CREBBP: variants seen among roughly 807,000 people sequenced by gnomAD.
The protein encoded by CREBBP is CREB-binding protein.
CREBBP carries 19 observed loss-of-function variants against 265.0 expected under a neutral mutation model. That is an observed-to-expected ratio of 0.07 (90% CI 0.05 to 0.11). The LOEUF is 0.11. Among genes scored for constraint, CREBBP ranks in the 10% least tolerant of loss-of-function variants. The probability of loss-of-function intolerance (pLI) is 1.00; values close to 1 mark genes in which losing one functional copy is unlikely to be tolerated. For missense variants in CREBBP, 2,525 were observed against 3,219.0 expected (o/e 0.78, Z 5.22); for synonymous variants, 1,457 against 1,223.7 (o/e 1.19, Z -3.98).
chr16:3,868,946 C>T (rs2055236377), intron 1 of CREBBP, among the ~76,000 whole-genome samples: 1 of 152,204 alleles, frequency 6.6e-6, no homozygotes, highest in African/African-American at 2.4e-5. Context: ...CCAACCCCCG[C>T]AGGGCAGAAC....
chr16:3,757,472 C>T (rs961871969), intron 18 of CREBBP, 96 bp from the exon 19 acceptor site: 2 of 1,101,126 alleles, frequency 1.8e-6, no homozygotes, highest in African/African-American at 3.1e-5. Context: ...TAAATTATTT[C>T]TGTTAGTATA....
intron 1 of CREBBP, among the ~76,000 whole-genome samples, chr16:3,879,148 C>T (rs1350940360): frequency 6.6e-6 from 1 of 152,098 alleles, no homozygotes; most frequent in East Asian, 1.9e-4. Context: ...AAATGAAACA[C>T]ACCACAGCAA....
intron 2 of CREBBP, 76 bp downstream of exon 2, chr16:3,850,221 G>C (rs1245631296): frequency 6.8e-7 from 1 of 1,473,660 alleles, no homozygotes; most frequent in Admixed American, 1.7e-5. Flanking sequence ...GGGCCACGTG[G>C]TCCCATTTTA....
At chr16:3,749,105 C>A (rs2052416221) in intron 21 of CREBBP, among the ~76,000 whole-genome samples, 2 of 152,220 alleles carry the variant, frequency 1.3e-5, no homozygotes, top group South Asian at 4.1e-4. Flanking sequence ...CGAGATCGTG[C>A]CACTGCACTC....
At chr16:3,876,439 C>CA (rs1267105499) in intron 1 of CREBBP, among the ~76,000 whole-genome samples, 1 of 39,668 alleles carries the variant, frequency 2.5e-5, no homozygotes, top group Non-Finnish European at 6.0e-5. Flanking sequence ...ACCCAGAAAA[C>CA]AAAAAACAAA....
At chr16:3,846,077 T>C (rs1367509393) in intron 2 of CREBBP, among the ~76,000 whole-genome samples, 3 of 152,200 alleles carry the variant, frequency 2.0e-5, no homozygotes, top group Admixed American at 1.3e-4. Flanking sequence ...TGTAAACCTA[T>C]GTGACCATAT....
rs527869503 is a variant in CREBBP, at chr16:3,759,288, G to A, written c.3251-316C>T. ...ATCTGTCTCATTCATCAAACTGGGT[G>A]GCAAATAAAGCCATTTCAGGCTGGG... On this transcript the variant is annotated intron_variant, in intron 16 of 30. Coordinates refer to ENST00000262367, the MANE Select transcript of CREBBP (RefSeq NM_004380.3). 2.6e-5 allele frequency among the ~76,000 whole-genome samples: 4 copies of A among 152,204 alleles called. No individual in the cohort carries two copies. The East Asian group carries it at 5.8e-4, about 22-fold the overall frequency.
chr16:3,741,953 G>C (rs916393725), intron 23 of CREBBP: 1 of 152,060 alleles, frequency 6.6e-6, no homozygotes, highest in Non-Finnish European at 1.5e-5. Context: ...GGTGGCGGGC[G>C]CCTGTAGTCC....
chr16:3,840,020 G>A (rs1179501684), intron 2 of CREBBP, among the ~76,000 whole-genome samples: 1 of 152,082 alleles, frequency 6.6e-6, no homozygotes, highest in Non-Finnish European at 1.5e-5. Flanking sequence ...TACTTAACAT[G>A]TCTACTAAAC....
At chr16:3,756,986 C>T (rs1033448150) in intron 19 of CREBBP, among the ~76,000 whole-genome samples, 2 of 152,166 alleles carry the variant, frequency 1.3e-5, no homozygotes, top group Admixed American at 6.5e-5. Flanking sequence ...AACTAAGAGG[C>T]CATGGGCCTA....
chr16:3,782,780 T>C lies in CREBBP; in HGVS notation c.1477A>G (p.Met493Val). The C allele has an allele frequency of 6.2e-7, 1 of 1,614,076 alleles. No homozygotes were observed. The highest frequency in any genetic ancestry group is 8.5e-7 in the Non-Finnish European group (1 of 1,180,018). ...RAYAALGLPY[M>V]NQPQTQLQPQ... ...TGCAGCTGCGTCTGGGGCTGGTTCA[T>C]GTAGGGGAGTCCGAGAGCAGCATAG... is the stretch of plus-strand genomic sequence containing the variant. The change falls in exon 6 of 31, where the codon ATG becomes GTG. Residue 493 changes from methionine (M) to valine (V), a missense_variant. By Grantham distance (21) the Met-to-Val change is conservative (BLOSUM62 1). Transcript: ENST00000262367.
At chr16:3,756,953 C>G (rs2052600022) in intron 19 of CREBBP, among the ~76,000 whole-genome samples, 1 of 152,200 alleles carries the variant, frequency 6.6e-6, no homozygotes, top group Admixed American at 6.5e-5. Context: ...AGTTTTTACA[C>G]TGTAAAAGTA....
chr16:3,786,347 CAG>C (rs565498867), intron 5 of CREBBP, among the ~76,000 whole-genome samples: 97 of 152,266 alleles, frequency 6.4e-4, no homozygotes, highest in African/African-American at 2.2e-3. Context: ...GCCTGGGCAA[CAG>C]AGAGACTCTG....
chr16:3,759,406 T>C (rs751855293), intron 16 of CREBBP, among the ~76,000 whole-genome samples: 4 of 151,906 alleles, frequency 2.6e-5, no homozygotes, highest in Non-Finnish European at 4.4e-5. Flanking sequence ...CTGACCAACG[T>C]AGTGAAACCT....
chr16:3,757,920 G>C lies in CREBBP; in HGVS notation c.3498C>G (p.Leu1166=), dbSNP rs765983904. ...DVWLMFNNAW[L]YNRKTSRVYK... Reference sequence around the variant, plus strand: ...AGACTCGGGATGTCTTGCGATTATAGAGCCAGGCATTGTTGAACATGAGCC... The same window carrying C: ...AGACTCGGGATGTCTTGCGATTATACAGCCAGGCATTGTTGAACATGAGCC... The change falls in exon 18 of 31, where the codon CTC becomes CTG. Residue 1166 remains leucine, a synonymous_variant. Transcript: ENST00000262367. The C allele has an allele frequency of 3.1e-6, 5 of 1,613,930 alleles. No individual in the cohort carries two copies. The Admixed American group carries it at 6.7e-5, about 22-fold the overall frequency.
At chr16:3,803,368 G>A (rs564134624) in intron 3 of CREBBP, among the ~76,000 whole-genome samples, 8 of 150,468 alleles carry the variant, frequency 5.3e-5, no homozygotes, top group South Asian at 2.1e-4. Context: ...AGCCAGGTGC[G>A]GTGGCGGGCG....
intron 6 of CREBBP, 91 bp downstream of exon 6, chr16:3,782,588 CACAAA>C: frequency 6.6e-7 from 1 of 1,513,124 alleles, no homozygotes; most frequent in Non-Finnish European, 8.9e-7. Context: ...TAGTAAAAAA[CACAAA>C]ACAAACTGAA....
chr16:3,729,891 G>C lies in CREBBP; in HGVS notation c.5173-17C>G. 6.3e-6 allele frequency: 10 copies of C among 1,599,618 alleles called. No homozygotes were observed. Among genetic ancestry groups the C allele is most frequent in the Non-Finnish European group, 5.9e-6 (7 of 1,179,772 alleles). On this transcript the variant is annotated splice_polypyrimidine_tract_variant and intron_variant, in intron 30 of 30. Coordinates refer to ENST00000262367, the MANE Select transcript of CREBBP (RefSeq NM_004380.3). ...GTCGTAGTCCTGCAAGCAAGGAAAG[G>C]GGACAGGCCGGTGTCAGCATGGGAC...
At chr16:3,738,494 G>C (rs879247557) in intron 26 of CREBBP, 65 bp downstream of exon 26, 1 of 965,918 alleles carries the variant, frequency 1.0e-6, no homozygotes, top group Non-Finnish European at 1.7e-6. Context: ...ATTATTTCAC[G>C]GAATAAACAT....
Sources: allele counts gnomAD v4.1 joint callset (sites outside exome capture counted in the v4.1 genomes callset), GRCh38; gene constraint gnomAD v4.1.1; transcripts MANE v1.5; gene names NCBI Gene and HGNC (gene_info 2026-07-23, HGNC 2026-07-21).